Variants in PARD3B observed in about 807,000 individuals in gnomAD.
PARD3B encodes the protein partitioning defective 3 homolog B.
Under a neutral mutation model 130.2 loss-of-function variants are expected in PARD3B, and 103 were observed. The observed-to-expected ratio is 0.79, with a 90% confidence interval of 0.67 to 0.93. The LOEUF is 0.93. Among genes scored for constraint, PARD3B ranks in the 40% least tolerant of loss-of-function variants. The pLI is 0.00. For synonymous variants in PARD3B, 583 were observed against 553.2 expected (o/e 1.05, Z -0.76); for missense variants, 1,609 against 1,499.2 (o/e 1.07, Z -1.21).
At chr2:205,228,699 CCT>C (rs1177224131) in intron 15 of PARD3B, among the ~76,000 whole-genome samples, 1 of 152,034 alleles carries the variant, frequency 6.6e-6, no homozygotes, top group Admixed American at 6.5e-5. Flanking sequence ...CCCTTTTACC[CCT>C]GTCTCTCTCT....
In PARD3B at chr2:205,204,414, A is replaced by C. The variant is rs1226365931; in HGVS notation, c.2140+11094A>C. ...TTCTGTAGGTTGCCTGTTCACTCTG[A>C]TGATAGTTTCTTTTGCTGTGCAGAA... On this transcript the variant is annotated intron_variant, in intron 15 of 22. Coordinates refer to ENST00000406610, the MANE Select transcript of PARD3B (RefSeq NM_001302769.2). Among the ~76,000 whole-genome samples, 3 of 152,254 alleles carry C rather than the reference A, an allele frequency of 2.0e-5. No homozygotes were observed. The East Asian group carries it at 5.8e-4, about 29-fold the overall frequency.
rs926896068 is a variant in PARD3B at position 205,589,290 on chromosome 2, C to CAATT, written c.3261-26163_3261-26162insTAAT. On this transcript the variant is annotated intron_variant, in intron 22 of 22. Coordinates refer to ENST00000406610, the MANE Select transcript of PARD3B (RefSeq NM_001302769.2). This position sits in a 1 kb window ranked among gnomAD's most constrained non-coding sequence, Gnocchi z 4.1. ...TGGGTGGTGAAGCGAGACCCTGTCT[C>CAATT]AATCAATCAATCAATCAATCAAATC... Among the ~76,000 whole-genome samples, 7 of 152,100 alleles carry CAATT rather than the reference C, an allele frequency of 4.6e-5. No homozygotes were observed. Among genetic ancestry groups the CAATT allele is most frequent in the Admixed American group, 1.3e-4 (2 of 15,262 alleles).
rs1398301481 is a variant in PARD3B, at chr2:205,498,415, T to G, written c.3045-1481T>G. Among the ~76,000 whole-genome samples, 31 of 151,890 alleles carry G rather than the reference T, an allele frequency of 2.0e-4. 2 individuals are homozygous for G. Among genetic ancestry groups the G allele is most frequent in the Admixed American group, 2.0e-3 (31 of 15,260 alleles). ...TACTGGAGAGGCTGAGACAGGAGAA[T>G]TGCTTGAACCTAGGAGGCAGAGGGT... On this transcript the variant is annotated intron_variant, in intron 20 of 22. Coordinates refer to ENST00000406610, the MANE Select transcript of PARD3B (RefSeq NM_001302769.2).
intron 18 of PARD3B, among the ~76,000 whole-genome samples, chr2:205,373,929 T>C (rs1437682589): frequency 6.6e-6 from 1 of 152,204 alleles, no homozygotes; most frequent in Non-Finnish European, 1.5e-5. Flanking sequence ...TCATCACTGA[T>C]GTCTATTTTC....
At chr2:204,563,965 G>A (rs909036119) in intron 1 of PARD3B, among the ~76,000 whole-genome samples, 9 of 152,052 alleles carry the variant, frequency 5.9e-5, no homozygotes, top group Non-Finnish European at 1.2e-4. Context: ...TAGTGGAGAC[G>A]GGGTTTAACC....
intron 22 of PARD3B, among the ~76,000 whole-genome samples, chr2:205,557,390 G>C (rs1245420357): frequency 1.3e-5 from 2 of 152,146 alleles, no homozygotes; most frequent in African/African-American, 2.4e-5. Context: ...CCAGTCTCTG[G>C]AGGTGATCTC....
intron 3 of PARD3B, among the ~76,000 whole-genome samples, chr2:205,046,706 G>C (rs1292663671): frequency 6.6e-6 from 1 of 152,014 alleles, no homozygotes; most frequent in Non-Finnish European, 1.5e-5. Flanking sequence ...CATTTCAACT[G>C]TTTTCTACTC....
At chr2:204,612,132 A>C (rs1385917980) in intron 1 of PARD3B, among the ~76,000 whole-genome samples, 1 of 152,230 alleles carries the variant, frequency 6.6e-6, no homozygotes, top group Non-Finnish European at 1.5e-5. Context: ...TGTGCAGAGA[A>C]ATACACACTA....
chr2:205,305,146 C>T (rs2042145472), intron 18 of PARD3B, among the ~76,000 whole-genome samples: 1 of 152,176 alleles, frequency 6.6e-6, no homozygotes, highest in South Asian at 2.1e-4. Flanking sequence ...AAGGATTGCT[C>T]ATTTCCAAAT....
At chr2:204,571,592 G>A (rs1163458378) in intron 1 of PARD3B, among the ~76,000 whole-genome samples, 2 of 152,030 alleles carry the variant, frequency 1.3e-5, no homozygotes, top group South Asian at 2.1e-4. Context: ...TAATTTATAC[G>A]GAAAATGAAT....
chr2:205,302,072 T>TTTC (rs1278194988), intron 18 of PARD3B, among the ~76,000 whole-genome samples: 1 of 128,624 alleles, frequency 7.8e-6, no homozygotes, highest in African/African-American at 2.9e-5. Flanking sequence ...TTTCTTTTTT[T>TTTC]TTTTTTTTTT....
intron 10 of PARD3B, among the ~76,000 whole-genome samples, chr2:205,152,445 G>A (rs1339652041): frequency 6.6e-6 from 1 of 152,114 alleles, no homozygotes; most frequent in African/African-American, 2.4e-5. Context: ...TTTCTTGGAG[G>A]CTTTGTTCAT....
At chr2:204,975,413 G>T (rs1200011635) in intron 3 of PARD3B, among the ~76,000 whole-genome samples, 1 of 152,162 alleles carries the variant, frequency 6.6e-6, no homozygotes, top group African/African-American at 2.4e-5. Flanking sequence ...TAATGGGTTG[G>T]TGGATAAATG....
rs1335178589 is a variant in PARD3B, at chr2:204,965,236, G to T, written c.307G>T (p.Ala103Ser). ...GNPADRQSPDAFETEVAAQLA... is the reference protein window; with the variant it reads ...GNPADRQSPDSFETEVAAQLA... ...CCCTGCAGATCGGCAGAGCCCAGAT[G>T]CTTTTGAGACAGAAGTGGCCGCCCA... is the stretch of plus-strand genomic sequence containing the variant. The change falls in exon 3 of 23, where the codon GCT becomes TCT. Residue 103 changes from alanine (A) to serine (S), a missense_variant. Ala to Ser is a moderately conservative substitution (Grantham distance 99). Coordinates refer to ENST00000406610, the MANE Select transcript of PARD3B (RefSeq NM_001302769.2). 1.2e-6 allele frequency: 2 copies of T among 1,613,954 alleles called. No homozygotes were observed. Among genetic ancestry groups the T allele is most frequent in the African/African-American group, 1.3e-5 (1 of 75,026 alleles).
rs950806500 is a variant in PARD3B at position 205,460,626 on chromosome 2, C to T, written c.3044+19954C>T. ...TAAATCCTAGGTATAAATCCTAACT[C>T]CACAGCTGCTGTGATCTTTGTCCAT... is the stretch of plus-strand genomic sequence containing the variant. On this transcript the variant is annotated intron_variant, in intron 20 of 22. Transcript: ENST00000406610. The surrounding 1 kb of genome is among the most constrained non-coding windows in gnomAD (Gnocchi z 4.9). Among the ~76,000 whole-genome samples the T allele has an allele frequency of 6.6e-5, 10 of 152,120 alleles. No homozygotes were observed. Among genetic ancestry groups the T allele is most frequent in the Non-Finnish European group, 1.5e-4 (10 of 68,022 alleles).
At chr2:204,655,642 T>C (rs1404046187) in intron 1 of PARD3B, among the ~76,000 whole-genome samples, 1 of 152,230 alleles carries the variant, frequency 6.6e-6, no homozygotes, top group Non-Finnish European at 1.5e-5. Context: ...ATACTATGTT[T>C]AGTTGTCCTA....
rs1265409797 is a variant in PARD3B at position 205,523,199 on chromosome 2, C to T, written c.3180+23168C>T. Among the ~76,000 whole-genome samples the T allele has an allele frequency of 8.1e-5, 11 of 135,684 alleles. No individual in the cohort carries two copies. In the South Asian group the frequency reaches 1.5e-3, roughly 18 times the overall value. 89.0% of individuals were successfully genotyped at this position (135,684 alleles called of 152,430 possible). A position where few individuals can be genotyped will look rare whatever the true frequency, so the allele number is the denominator to read the frequency against. ...ATACCCTTTTCTGTTTTCTTACCCCCGTGTACTATATGTGTGTGTGTGTGT... is the reference window on the plus strand; with the variant it reads ...ATACCCTTTTCTGTTTTCTTACCCCTGTGTACTATATGTGTGTGTGTGTGT... On this transcript the variant is annotated intron_variant, in intron 21 of 22. Transcript: ENST00000406610.
At chr2:204,822,226 G>T (rs1321228596) in intron 2 of PARD3B, among the ~76,000 whole-genome samples, 1 of 152,224 alleles carries the variant, frequency 6.6e-6, no homozygotes, top group Non-Finnish European at 1.5e-5. Context: ...AGTAACTGCA[G>T]ATGTGGTAGA....
At chr2:205,495,737 G>A (rs1374379656) in intron 20 of PARD3B, among the ~76,000 whole-genome samples, 2 of 152,132 alleles carry the variant, frequency 1.3e-5, no homozygotes, top group Non-Finnish European at 2.9e-5. Flanking sequence ...ATGAGATGAA[G>A]GAAGGGAAGT....
Sources: allele counts gnomAD v4.1 joint callset (sites outside exome capture counted in the v4.1 genomes callset), GRCh38; gene constraint gnomAD v4.1.1; non-coding constraint Gnocchi (gnomAD v3.1); transcripts MANE v1.5; gene names NCBI Gene and HGNC (gene_info 2026-07-23, HGNC 2026-07-21).